The following KANK4 variants were observed in gnomAD, a reference collection of about 807,000 sequenced individuals.
KANK4 encodes KN motif and ankyrin repeat domains 4.
KANK4 carries 50 observed loss-of-function variants against 80.8 expected under a neutral mutation model. The observed-to-expected ratio is 0.62, with a 90% confidence interval of 0.49 to 0.78. KANK4 has a LOEUF of 0.78. KANK4 is among the 30% of genes least tolerant of loss of function. The pLI is 0.00. For missense variants in KANK4, 1,196 were observed against 1,240.1 expected (o/e 0.96, Z 0.53); for synonymous variants, 465 against 506.9 (o/e 0.92, Z 1.11).
At position 62,273,713 on chromosome 1, in the gene KANK4, C is replaced by T. The variant is rs200590860; in HGVS notation, c.1391G>A (p.Gly464Glu). The T allele has an allele frequency of 5.3e-5, 86 of 1,613,984 alleles. No homozygotes were observed. The highest frequency in any genetic ancestry group is 7.1e-5 in the Non-Finnish European group (84 of 1,180,014). ...LLWGPDGHKQ[G>E]NQSPAERVLL... ...CACACGTTCTGCTGGGCTCTGATTC[C>T]CTTGTTTATGACCATCTGGCCCCCA... is the stretch of plus-strand genomic sequence containing the variant. Residue 464 changes from glycine (G) to glutamate (E), a missense_variant, in exon 3 of 10, where the codon GGG becomes GAG. This residue lies in a region of KANK4 where 1,154 missense variants were observed against 1,179.6 expected (regional missense o/e 0.98). Transcript: ENST00000371153.
chr1:62,281,106 G>C (rs943630079), intron 2 of KANK4, among the ~76,000 whole-genome samples: 3 of 152,132 alleles, frequency 2.0e-5, no homozygotes, highest in Non-Finnish European at 4.4e-5. Flanking sequence ...AAGCCATCCA[G>C]CTCCCAGCCA....
At chr1:62,265,211 C>T (rs1476725482) in intron 6 of KANK4, among the ~76,000 whole-genome samples, 3 of 151,848 alleles carry the variant, frequency 2.0e-5, no homozygotes, top group Non-Finnish European at 4.4e-5. Flanking sequence ...GAGTTTTGAT[C>T]AACATCCACA....
Position 62,248,229 on chromosome 1 carries a change from T to C in KANK4, c.2683-557A>G, listed in dbSNP as rs146324124. The stretch of plus-strand genomic sequence containing the variant: ...ATGTCCTGTGGTCATTTCTAATCTA[T>C]AGACATTGACAGTAATCTTGGGCAT... On this transcript the variant is annotated intron_variant, in intron 8 of 9. Coordinates refer to ENST00000371153, the MANE Select transcript of KANK4 (RefSeq NM_181712.5). 2.6e-5 allele frequency among the ~76,000 whole-genome samples: 4 copies of C among 152,310 alleles called. 1 individual carries two copies. The highest frequency in any genetic ancestry group is 9.6e-5 in the African/African-American group (4 of 41,572).
In KANK4 at chr1:62,304,089, G is replaced by A. The variant is rs868344087; in HGVS notation, c.-71+15017C>T. ...AGGGTTTCCGCATGTTGGCCAGGCT[G>A]GTCTTGAACTCCTGACCTCAAGTGA... On this transcript the variant is annotated intron_variant, in intron 1 of 9. Coordinates refer to ENST00000371153, the MANE Select transcript of KANK4 (RefSeq NM_181712.5). Among the ~76,000 whole-genome samples, 12 of 152,048 alleles carry A rather than the reference G, an allele frequency of 7.9e-5. No individual in the cohort carries two copies. The South Asian group carries it at 2.5e-3, about 32-fold the overall frequency.
chr1:62,261,711 C>T (rs1437008726), intron 7 of KANK4, among the ~76,000 whole-genome samples: 2 of 152,120 alleles, frequency 1.3e-5, no homozygotes. Flanking sequence ...CCAGGTCTTC[C>T]ATTTCTCTAT....
chr1:62,291,885 G>A (rs557749407), intron 1 of KANK4, among the ~76,000 whole-genome samples: 2 of 152,280 alleles, frequency 1.3e-5, no homozygotes, highest in East Asian at 1.9e-4. Flanking sequence ...GGAATTATAG[G>A]TGTGAGCTAC....
chr1:62,299,773 A>T (rs2149165857), intron 1 of KANK4, among the ~76,000 whole-genome samples: 1 of 150,942 alleles, frequency 6.6e-6, no homozygotes, highest in South Asian at 2.1e-4. Context: ...GTAGCAAATG[A>T]TTTGAAATTT....
At chr1:62,303,241 C>T (rs1644426547) in intron 1 of KANK4, among the ~76,000 whole-genome samples, 1 of 151,840 alleles carries the variant, frequency 6.6e-6, no homozygotes, top group African/African-American at 2.4e-5. Context: ...TCCAGCAGTC[C>T]CAAGACAGGG....
intron 9 of KANK4, among the ~76,000 whole-genome samples, chr1:62,240,876 T>C (rs1221920360): frequency 1.3e-5 from 2 of 151,988 alleles, no homozygotes; most frequent in Non-Finnish European, 2.9e-5. Flanking sequence ...GCAGCTGCAG[T>C]CTCTTATGAA....
intron 1 of KANK4, among the ~76,000 whole-genome samples, chr1:62,312,379 C>T (rs956850821): frequency 6.6e-6 from 1 of 152,146 alleles, no homozygotes; most frequent in African/African-American, 2.4e-5. Flanking sequence ...CAAGAAAATC[C>T]TAAATAAAGA....
chr1:62,312,741 A>C (rs1644507497), intron 1 of KANK4, among the ~76,000 whole-genome samples: 1 of 152,254 alleles, frequency 6.6e-6, no homozygotes, highest in Admixed American at 6.5e-5. Context: ...ACCAGCTCAG[A>C]CATCAGGATG....
chr1:62,263,406 C>A lies in KANK4; in HGVS notation c.2320-95G>T. 7.7e-6 allele frequency: 7 copies of A among 913,432 alleles called. No homozygotes were observed. In the South Asian group the frequency reaches 1.0e-4, roughly 13 times the overall value. 56.6% of individuals were successfully genotyped at this position (913,432 alleles called of 1,614,324 possible). On this transcript the variant is annotated intron_variant, in intron 6 of 9. Transcript: ENST00000371153. ...AAGACAGCTTTGGCCTCTGTCCCTG[C>A]AGCTCCCTCCAGCTTGCCATGTGAT...
rs577938990 is a variant in KANK4, at chr1:62,294,189, C to T, written c.-70-12555G>A. Among the ~76,000 whole-genome samples, 40 of 152,342 alleles carry T rather than the reference C, an allele frequency of 2.6e-4. No individual in the cohort carries two copies. The South Asian group carries it at 2.7e-3, about 10-fold the overall frequency. Reference sequence around the variant, plus strand: ...TTTAATCCTTTGTTACTACCAAATTCTCTCCCACTGCAAAGTAGGAGCGAG... The same window carrying T: ...TTTAATCCTTTGTTACTACCAAATTTTCTCCCACTGCAAAGTAGGAGCGAG... On this transcript the variant is annotated intron_variant, in intron 1 of 9. Transcript: ENST00000371153.
At chr1:62,298,025 T>G (rs1644381654) in intron 1 of KANK4, 1 of 152,240 alleles carries the variant, frequency 6.6e-6, no homozygotes, top group Non-Finnish European at 1.5e-5. Context: ...GTGGAATGGC[T>G]GATGCAGGCA....
chr1:62,300,645 G>A (rs1032402511), intron 1 of KANK4, among the ~76,000 whole-genome samples: 2 of 152,056 alleles, frequency 1.3e-5, no homozygotes, highest in Non-Finnish European at 2.9e-5. Flanking sequence ...TCGGGGAAGC[G>A]GATGGCGGAA....
At position 62,237,957 on chromosome 1, in the gene KANK4, A is replaced by G. The variant is rs1378400471; in HGVS notation, c.*320T>C. On this transcript the variant is annotated 3_prime_UTR_variant, in exon 10 of 10. Coordinates refer to ENST00000371153, the MANE Select transcript of KANK4 (RefSeq NM_181712.5). ...ATGTGCTCCTGCCTGCCTGCTTGCT[A>G]CACAATGTTACAGAGGGTAGAGTCA... The G allele has an allele frequency of 4.0e-6, 1 of 247,682 alleles. No individual in the cohort carries two copies. Among genetic ancestry groups the G allele is most frequent in the Non-Finnish European group, 7.8e-6 (1 of 128,872 alleles). 15.3% of individuals were successfully genotyped at this position (247,682 alleles called of 1,614,324 possible).
Position 62,268,441 on chromosome 1 carries a change from T to G in KANK4, c.2077A>C (p.Ser693Arg), listed in dbSNP as rs1426255082. Residue 693 changes from serine (S) to arginine (R), a missense_variant, in exon 5 of 10, where the codon AGC becomes CGC. Around this residue, in one of 3 missense-constraint regions of KANK4, gnomAD observed 1,154 missense variants for 1,179.6 expected, o/e 0.98. Transcript: ENST00000371153. ...EDSTPEDLSD[S>R]EAEKKCDGPD... is the part of the protein sequence containing the mutation. ...CCGTCACACTTCTTCTCTGCCTCGCTGTCAGACAAGTCCTCTGGGGTGCTG... is the reference window on the plus strand; with the variant it reads ...CCGTCACACTTCTTCTCTGCCTCGCGGTCAGACAAGTCCTCTGGGGTGCTG... 1.2e-6 allele frequency: 2 copies of G among 1,613,988 alleles called. No homozygotes were observed.
In KANK4 at chr1:62,263,323, A is replaced by G. The variant is rs202056087; in HGVS notation, c.2320-12T>C. 1.9e-5 allele frequency: 31 copies of G among 1,609,466 alleles called. No individual in the cohort carries two copies. In the Middle Eastern group the frequency reaches 5.0e-4, roughly 26 times the overall value. Reference sequence around the variant, plus strand: ...TTCAAGCTTTGCCTCTGAAACCCCAAAAAAGACCAATTCCAAGAGGTTCCC... The same window carrying G: ...TTCAAGCTTTGCCTCTGAAACCCCAGAAAAGACCAATTCCAAGAGGTTCCC... On this transcript the variant is annotated splice_polypyrimidine_tract_variant and intron_variant, in intron 6 of 9. Transcript: ENST00000371153.
chr1:62,316,824 G>C (rs1377532584), intron 1 of KANK4, among the ~76,000 whole-genome samples: 1 of 152,164 alleles, frequency 6.6e-6, no homozygotes, highest in African/African-American at 2.4e-5. Flanking sequence ...GGTACTTGGA[G>C]AGCCCTGTTT....
Sources: gnomAD v4.1 joint callset for allele counts (sites outside exome capture counted in the v4.1 genomes callset) on GRCh38, gnomAD v4.1.1 for gene constraint, gnomAD v4.1.1 regional missense constraint, MANE v1.5 for transcripts, NCBI Gene and HGNC (gene_info 2026-07-23, HGNC 2026-07-21) for gene names.